NAALADL2: variants seen among roughly 807,000 people sequenced by gnomAD.
The protein encoded by NAALADL2 is N-acetylated alpha-linked acidic dipeptidase like 2, also known as inactive N-acetylated-alpha-linked acidic dipeptidase-like protein 2.
In NAALADL2, 76 loss-of-function variants were observed where a neutral mutation model predicts 87.2. The observed-to-expected ratio is 0.87, with a 90% confidence interval of 0.72 to 1.05. The LOEUF is 1.05. Among genes scored for constraint, NAALADL2 ranks in the 50% least tolerant of loss-of-function variants. The pLI, the probability that NAALADL2 is intolerant of heterozygous loss-of-function variation, is 0.00. For synonymous variants in NAALADL2, 354 were observed against 331.0 expected, an observed-to-expected ratio of 1.07 and a Z score of -0.75; for missense variants, 1,089 against 945.8, an observed-to-expected ratio of 1.15 and a Z score of -1.99.
intron 3 of NAALADL2, among the ~76,000 whole-genome samples, chr3:174,851,151 T>A (rs1725194759): frequency 6.6e-6 from 1 of 151,922 alleles, no homozygotes; most frequent in Admixed American, 6.6e-5. Context: ...AATGCCTTCA[T>A]CAAAAGTACA....
intron 1 of NAALADL2, among the ~76,000 whole-genome samples, chr3:174,916,833 A>G (rs1424393379): frequency 6.6e-6 from 1 of 152,138 alleles, no homozygotes; most frequent in East Asian, 1.9e-4. Flanking sequence ...CCATGTAACC[A>G]GAAACTACTT....
intron 1 of NAALADL2, among the ~76,000 whole-genome samples, chr3:174,945,020 C>T (rs1739191417): frequency 6.6e-6 from 1 of 152,156 alleles, no homozygotes; most frequent in Non-Finnish European, 1.5e-5. Context: ...AGAGGCAGCA[C>T]ACTAGCTGCT....
intron 2 of NAALADL2, among the ~76,000 whole-genome samples, chr3:175,116,903 C>T (rs1725301043): frequency 1.3e-5 from 2 of 152,116 alleles, no homozygotes; most frequent in East Asian, 1.9e-4. Context: ...GGTCCTGGTA[C>T]CAAAACAGAG....
chr3:174,860,590 A>G (rs1251481467), intron 1 of NAALADL2, among the ~76,000 whole-genome samples: 2 of 152,068 alleles, frequency 1.3e-5, no homozygotes, highest in Non-Finnish European at 2.9e-5. Flanking sequence ...AGTTTGTTCC[A>G]ATTGTGCATA....
chr3:175,315,267 G>A (rs879754186), intron 4 of NAALADL2, among the ~76,000 whole-genome samples: 2 of 152,090 alleles, frequency 1.3e-5, no homozygotes, highest in Admixed American at 1.3e-4. Flanking sequence ...TGAAAACTTG[G>A]ACAAGGATTA....
At chr3:175,022,846 C>G (rs1468738302) in intron 1 of NAALADL2, among the ~76,000 whole-genome samples, 1 of 146,186 alleles carries the variant, frequency 6.8e-6, no homozygotes, top group African/African-American at 2.6e-5. Context: ...CATCCATCCA[C>G]TTGAAAATTT....
intron 2 of NAALADL2, among the ~76,000 whole-genome samples, chr3:174,729,646 A>T (rs1008699489): frequency 2.0e-5 from 3 of 152,044 alleles, no homozygotes; most frequent in African/African-American, 7.2e-5. Flanking sequence ...TTACAAAGCT[A>T]TATTCTATCT....
intron 5 of NAALADL2, among the ~76,000 whole-genome samples, chr3:175,436,412 T>C (rs574763266): frequency 6.7e-5 from 10 of 148,334 alleles, no homozygotes; most frequent in East Asian, 4.2e-4. Context: ...TCTAGATCCC[T>C]GAGGAATCGC....
intron 4 of NAALADL2, among the ~76,000 whole-genome samples, chr3:175,272,099 C>T (rs143786978): frequency 6.6e-6 from 1 of 152,092 alleles, no homozygotes; most frequent in African/African-American, 2.4e-5. Flanking sequence ...AAGCCCAGAA[C>T]GTTACCACAT....
chr3:174,522,076 G>T (rs1378361712), intron 1 of NAALADL2, among the ~76,000 whole-genome samples: 1 of 152,090 alleles, frequency 6.6e-6, no homozygotes, highest in Non-Finnish European at 1.5e-5. Flanking sequence ...TCCAGCCTGG[G>T]CAACAGAGTG....
intron 1 of NAALADL2, among the ~76,000 whole-genome samples, chr3:174,887,395 A>G (rs1730300530): frequency 6.6e-6 from 1 of 152,172 alleles, no homozygotes; most frequent in Non-Finnish European, 1.5e-5. Flanking sequence ...TCAATTATAT[A>G]TGTTCTGTTT....
chr3:175,367,640 T>C (rs1765811389), intron 5 of NAALADL2, among the ~76,000 whole-genome samples: 1 of 152,186 alleles, frequency 6.6e-6, no homozygotes, highest in Admixed American at 6.5e-5. Flanking sequence ...GGGAGTTCAC[T>C]CATGATTTGG....
chr3:174,945,303 G>A (rs1431763234), intron 1 of NAALADL2, among the ~76,000 whole-genome samples: 1 of 152,096 alleles, frequency 6.6e-6, no homozygotes, highest in Admixed American at 6.5e-5. Flanking sequence ...AAGAAACTGA[G>A]GCTTATGAAG....
At chr3:175,496,739 T>C (rs1728867514) in intron 9 of NAALADL2, among the ~76,000 whole-genome samples, 1 of 151,992 alleles carries the variant, frequency 6.6e-6, no homozygotes, top group Admixed American at 6.6e-5. Flanking sequence ...TGGTTTTTTT[T>C]TGCAGAGACA....
intron 1 of NAALADL2, among the ~76,000 whole-genome samples, chr3:174,927,065 C>G (rs1296975022): frequency 6.7e-6 from 1 of 149,944 alleles, no homozygotes; most frequent in Non-Finnish European, 1.5e-5. Flanking sequence ...CAATCCTGGT[C>G]TCTGATAAAA....
intron 5 of NAALADL2, among the ~76,000 whole-genome samples, chr3:175,437,935 A>T (rs377690630): frequency 6.6e-5 from 10 of 152,226 alleles, no homozygotes; most frequent in African/African-American, 2.4e-4. Context: ...AAGCATTATG[A>T]TATTTACTAG....
chr3:174,610,928 G>T (rs368349441), intron 2 of NAALADL2, among the ~76,000 whole-genome samples: 11 of 152,114 alleles, frequency 7.2e-5, no homozygotes, highest in Non-Finnish European at 1.5e-4. Flanking sequence ...ATGTCCAACA[G>T]TGATAGACTG....
At chr3:174,894,775 G>T (rs985526129) in intron 1 of NAALADL2, among the ~76,000 whole-genome samples, 1 of 151,886 alleles carries the variant, frequency 6.6e-6, no homozygotes, top group Non-Finnish European at 1.5e-5. Flanking sequence ...CTCAAAAACA[G>T]ACCATGTTTT....
At chr3:175,746,445 A>C (rs1745957911) in intron 12 of NAALADL2, among the ~76,000 whole-genome samples, 2 of 151,486 alleles carry the variant, frequency 1.3e-5, no homozygotes, top group South Asian at 4.2e-4. Context: ...GCCTGAGTCT[A>C]TTTCTCAGCC....
Sources: allele counts gnomAD v4.1 joint callset (sites outside exome capture counted in the v4.1 genomes callset), GRCh38; gene constraint gnomAD v4.1.1; transcripts MANE v1.5; gene names NCBI Gene and HGNC (gene_info 2026-07-23, HGNC 2026-07-21).